CAPN14: variants seen among roughly 807,000 people sequenced by gnomAD.
CAPN14 encodes the protein calpain 14, also known as calpain-14.
CAPN14 carries 94 observed loss-of-function variants against 101.3 expected under a neutral mutation model. The observed-to-expected ratio is 0.93, with a 90% CI of 0.79 to 1.10. The LOEUF is 1.10. Ranked by LOEUF, CAPN14 falls within the 50% of genes least tolerant of loss-of-function variation. The pLI is 0.00. For synonymous variants in CAPN14, 338 were observed against 317.9 expected, an observed-to-expected ratio of 1.06 and a Z score of -0.67; for missense variants, 837 against 828.4, an observed-to-expected ratio of 1.01 and a Z score of -0.13.
chr2:31,176,135 A>AGCTT (rs1271909317), intron 21 of CAPN14, among the ~76,000 whole-genome samples: 15 of 152,292 alleles, frequency 9.8e-5, no homozygotes, highest in African/African-American at 3.1e-4. Context: ...ACTGTGTTTA[A>AGCTT]GCTTGCTTGC....
intron 10 of CAPN14, 79 bp from the exon 11 acceptor site, chr2:31,192,177 A>G: frequency 8.4e-6 from 12 of 1,429,540 alleles, no homozygotes; most frequent in South Asian, 1.5e-5. Flanking sequence ...AGAGGTGAAC[A>G]GTCTGAGGAC....
intron 7 of CAPN14, among the ~76,000 whole-genome samples, chr2:31,198,316 T>C (rs1681574026): frequency 6.6e-6 from 1 of 151,000 alleles, no homozygotes; most frequent in Non-Finnish European, 1.5e-5. Flanking sequence ...CATATGTTGA[T>C]TGATGTCTCA....
intron 13 of CAPN14, 84 bp downstream of exon 13, chr2:31,189,189 G>A (rs1558617595): frequency 1.1e-5 from 13 of 1,231,090 alleles, no homozygotes; most frequent in Non-Finnish European, 1.5e-5. Context: ...AGAGATCCTG[G>A]TTTCTGCCAT....
chr2:31,192,722 A>G (rs4952055), intron 10 of CAPN14, among the ~76,000 whole-genome samples: 83,022 of 151,984 alleles, frequency 0.55, 22,916 homozygotes, highest in South Asian at 0.63. Flanking sequence ...CAGGTGAGAA[A>G]GACCAGATAC....
chr2:31,219,937 G>A (rs1279792327), upstream of CAPN14, among the ~76,000 whole-genome samples: 2 of 152,156 alleles, frequency 1.3e-5, no homozygotes, highest in Admixed American at 6.5e-5. Context: ...TCTTCTAGAA[G>A]AGTCCAAGTG....
In CAPN14 at chr2:31,188,322, G is replaced by C. The variant is rs1681004417; in HGVS notation, c.1526C>G (p.Ser509Ter). ...GAATTCCACCAGACTACTCACCTTT[G>C]AGAAGACGACACCAGAATTGCTGCC... is the stretch of plus-strand genomic sequence containing the variant. ...EIGSNSGVVF[S>*]KEIEDQNERQ... The change falls in exon 14 of 22, where the codon TCA becomes TGA. Residue 509 changes from serine to a stop codon, truncating the protein, a stop_gained. Coordinates refer to ENST00000403897, the MANE Select transcript of CAPN14 (RefSeq NM_001145122.2). LOFTEE classifies it high-confidence loss of function. 1.9e-6 allele frequency: 3 copies of C among 1,551,396 alleles called. No homozygotes were observed. Among genetic ancestry groups the C allele is most frequent in the Non-Finnish European group, 2.6e-6 (3 of 1,146,854 alleles).
At chr2:31,190,981 G>A (rs1681148242) in intron 12 of CAPN14, among the ~76,000 whole-genome samples, 1 of 152,188 alleles carries the variant, frequency 6.6e-6, no homozygotes, top group Non-Finnish European at 1.5e-5. Flanking sequence ...TCTCCCTAGG[G>A]AGGTGGGCTG....
intron 13 of CAPN14, among the ~76,000 whole-genome samples, chr2:31,188,827 C>T (rs1681039914): frequency 6.6e-6 from 1 of 152,158 alleles, no homozygotes. Context: ...ATTTGAACAA[C>T]CCCTATGCAT....
Position 31,199,544 on chromosome 2 carries a change from A to G in CAPN14, c.727-12T>C. 1 of 1,549,782 alleles carries G rather than the reference A, an allele frequency of 6.5e-7. No homozygotes were observed. The highest frequency in any genetic ancestry group is 8.7e-7 in the Non-Finnish European group (1 of 1,145,510). On this transcript the variant is annotated splice_polypyrimidine_tract_variant and intron_variant, in intron 6 of 21. Coordinates refer to ENST00000403897, the MANE Select transcript of CAPN14 (RefSeq NM_001145122.2). ...TCCAGAATCTTCTCCTGCAGAGACAAGAGAGGTCCTGATCAGTCTTCTGTT... is the reference window on the plus strand; with the variant it reads ...TCCAGAATCTTCTCCTGCAGAGACAGGAGAGGTCCTGATCAGTCTTCTGTT...
At chr2:31,203,229 G>A (rs1681887806) in intron 2 of CAPN14, 90 bp from the exon 3 acceptor site, 3 of 934,160 alleles carry the variant, frequency 3.2e-6, no homozygotes, top group Non-Finnish European at 5.1e-6. Context: ...CCCCAAAACT[G>A]TACTTATGGG....
intron 17 of CAPN14, 74 bp from the exon 18 acceptor site, chr2:31,178,653 A>T: frequency 9.9e-7 from 1 of 1,009,450 alleles, no homozygotes; most frequent in Non-Finnish European, 1.4e-6. Context: ...TCAGCCCTCC[A>T]CAAAGTGATG....
intron 12 of CAPN14, among the ~76,000 whole-genome samples, chr2:31,190,110 T>C (rs140811427): frequency 1.5e-5 from 2 of 131,636 alleles, no homozygotes; most frequent in East Asian, 4.0e-4. Flanking sequence ...CCGACATTTC[T>C]TGGGTATCTG....
rs1406372080 is a variant in CAPN14, at chr2:31,173,339, C to T, written c.*1342G>A. 2 of 152,282 alleles carry T rather than the reference C, an allele frequency of 1.3e-5. No individual in the cohort carries two copies. The highest frequency in any genetic ancestry group is 4.8e-5 in the African/African-American group (2 of 41,552). 9.4% of individuals were successfully genotyped at this position (152,282 alleles called of 1,614,324 possible). On this transcript the variant is annotated 3_prime_UTR_variant, in exon 22 of 22. Transcript: ENST00000403897. ...GTGCTCCTTTCTTCTGGTACAGTAC[C>T]CATCTGACAGGTGCTCAAATCTCCT...
Position 31,174,526 on chromosome 2 carries a change from G to A in CAPN14, c.*155C>T. ...TGCATGCTGGCCATGCACGGGGAGGGCTGCAGAAGAGAAACCTTCCCAGCT... is the reference window on the plus strand; with the variant it reads ...TGCATGCTGGCCATGCACGGGGAGGACTGCAGAAGAGAAACCTTCCCAGCT... On this transcript the variant is annotated 3_prime_UTR_variant, in exon 22 of 22. Transcript: ENST00000403897. The A allele has an allele frequency of 2.9e-6, 2 of 698,814 alleles. No homozygotes were observed. Among genetic ancestry groups the A allele is most frequent in the Non-Finnish European group, 4.9e-6 (2 of 408,404 alleles). The allele number at this position is 698,814 out of a possible 1,614,324, so 43.3% of individuals were successfully genotyped here.
At chr2:31,222,969 T>C (rs1293874017) in intron 2 of CAPN14, among the ~76,000 whole-genome samples, 1 of 152,182 alleles carries the variant, frequency 6.6e-6, no homozygotes, top group Non-Finnish European at 1.5e-5. Context: ...CAGAGAACTC[T>C]CCTGCCAACT....
chr2:31,185,611 C>T (rs987940898), intron 16 of CAPN14, among the ~76,000 whole-genome samples: 2 of 152,176 alleles, frequency 1.3e-5, no homozygotes, highest in African/African-American at 4.8e-5. Context: ...GGGAGTCTTA[C>T]GTTCTACAAT....
intron 5 of CAPN14, among the ~76,000 whole-genome samples, chr2:31,201,195 GCA>G (rs1681756237): frequency 1.5e-5 from 2 of 133,892 alleles, no homozygotes; most frequent in African/African-American, 5.0e-5. Flanking sequence ...ATGTGTGTGT[GCA>G]TGTGTGTGTG....
intron 1 of CAPN14, among the ~76,000 whole-genome samples, chr2:31,212,155 C>T (rs1682432029): frequency 6.6e-6 from 1 of 151,972 alleles, no homozygotes; most frequent in Non-Finnish European, 1.5e-5. Context: ...ACTAAAAATA[C>T]AATAATTAGC....
intron 1 of CAPN14, among the ~76,000 whole-genome samples, chr2:31,212,215 C>G (rs2148699716): frequency 6.6e-6 from 1 of 151,118 alleles, no homozygotes; most frequent in Non-Finnish European, 1.5e-5. Context: ...GAGACCAAGG[C>G]AGGAGAATTG....
Sources: allele counts gnomAD v4.1 joint callset (sites outside exome capture counted in the v4.1 genomes callset), GRCh38; gene constraint gnomAD v4.1.1; transcripts MANE v1.5; gene names NCBI Gene and HGNC (gene_info 2026-07-23, HGNC 2026-07-21).